The following NUDT3 variants were observed in gnomAD, a reference collection of about 807,000 sequenced individuals.
NUDT3 encodes the protein diphosphoinositol polyphosphate phosphohydrolase 1.
NUDT3 carries 9 observed loss-of-function variants against 23.6 expected under a neutral mutation model. That is an observed-to-expected ratio of 0.38 (90% CI 0.23 to 0.66). The LOEUF is 0.66. Ranked by LOEUF, NUDT3 falls within the 30% of genes least tolerant of loss-of-function variation. NUDT3 has a pLI of 0.52. For synonymous variants in NUDT3, 86 were observed against 82.6 expected, an observed-to-expected ratio of 1.04 and a Z score of -0.22; for missense variants, 172 against 218.5, an observed-to-expected ratio of 0.79 and a Z score of 1.34.
intron 2 of NUDT3, among the ~76,000 whole-genome samples, chr6:34,331,603 A>G (rs1764129842): frequency 6.6e-6 from 1 of 152,200 alleles, no homozygotes; most frequent in Non-Finnish European, 1.5e-5. Flanking sequence ...CAGAGAACTA[A>G]CCACACTTTT....
chr6:34,349,794 A>T (rs915332863), intron 1 of NUDT3, among the ~76,000 whole-genome samples: 22 of 150,692 alleles, frequency 1.5e-4, no homozygotes, highest in Admixed American at 6.6e-5. Context: ...CTCCTTAAAT[A>T]AATTAGATTA....
At chr6:34,375,420 C>A (rs999888177) in intron 1 of NUDT3, among the ~76,000 whole-genome samples, 2 of 152,168 alleles carry the variant, frequency 1.3e-5, no homozygotes, top group African/African-American at 4.8e-5. Flanking sequence ...AGTTTATCCT[C>A]CGTGGAGTCT....
intron 1 of NUDT3, among the ~76,000 whole-genome samples, chr6:34,367,497 GA>G (rs202236928): frequency 5.5e-5 from 8 of 144,730 alleles, no homozygotes; most frequent in African/African-American, 1.0e-4. Context: ...AAAAAAAAAA[GA>G]AAAAAAAATG....
At chr6:34,339,077 G>A (rs1764251889) in intron 2 of NUDT3, among the ~76,000 whole-genome samples, 1 of 152,178 alleles carries the variant, frequency 6.6e-6, no homozygotes, top group Non-Finnish European at 1.5e-5. Context: ...AAAGCCACCA[G>A]CCAAATCAGG....
chr6:34,389,189 T>A (rs1021952233), intron 1 of NUDT3, among the ~76,000 whole-genome samples: 4 of 152,202 alleles, frequency 2.6e-5, no homozygotes, highest in African/African-American at 7.2e-5. Flanking sequence ...CCCTCCCATG[T>A]GTTGAGTGAG....
At position 34,288,215 on chromosome 6, in the gene NUDT3, A is replaced by G. The variant is rs962546165; in HGVS notation, c.*538T>C. ...AAAAAAACCTTGAAAAATTAAACAA[A>G]TTTCTCTTTCTAGAAGTCATTTATT... On this transcript the variant is annotated 3_prime_UTR_variant, in exon 5 of 5. Transcript: ENST00000607016. The G allele has an allele frequency of 2.0e-5, 3 of 152,160 alleles. No homozygotes were observed. The highest frequency in any genetic ancestry group is 7.2e-5 in the African/African-American group (3 of 41,446). The allele number at this position is 152,160 out of a possible 1,614,324, so 9.4% of individuals were successfully genotyped here.
rs944663088 is a variant in NUDT3, at chr6:34,392,623, C to T, written c.-261G>A. 3 of 255,794 alleles carry T rather than the reference C, an allele frequency of 1.2e-5. No individual in the cohort carries two copies. The highest frequency in any genetic ancestry group is 2.3e-5 in the African/African-American group (1 of 44,184). The allele number at this position is 255,794 out of a possible 1,614,324, so 15.8% of individuals were successfully genotyped here. A position where few individuals can be genotyped will look rare whatever the true frequency, so the allele number is the denominator to read the frequency against. On this transcript the variant is annotated 5_prime_UTR_variant, in exon 1 of 5. Coordinates refer to ENST00000607016, the MANE Select transcript of NUDT3 (RefSeq NM_006703.4). Reference sequence around the variant, plus strand: ...GCCGCCCCCTCTGCCGCCGCCACCCCCGACGACGACCGCGCCGCCATCTTG... The same window carrying T: ...GCCGCCCCCTCTGCCGCCGCCACCCTCGACGACGACCGCGCCGCCATCTTG...
intron 1 of NUDT3, among the ~76,000 whole-genome samples, chr6:34,346,058 C>T (rs1308753562): frequency 1.3e-5 from 2 of 152,104 alleles, no homozygotes; most frequent in Non-Finnish European, 2.9e-5. Flanking sequence ...TGTGAGCCAC[C>T]GCGCCCGGCC....
intron 1 of NUDT3, among the ~76,000 whole-genome samples, chr6:34,364,799 T>A (rs147689761): frequency 0.016 from 2,413 of 150,714 alleles, 55 homozygotes; most frequent in African/African-American, 0.053. Context: ...TTTGGGAGGC[T>A]GAGGCGGGCG....
intron 1 of NUDT3, among the ~76,000 whole-genome samples, chr6:34,390,897 T>C (rs1432756873): frequency 6.6e-6 from 1 of 152,208 alleles, no homozygotes; most frequent in Non-Finnish European, 1.5e-5. Flanking sequence ...TTTACTCAAA[T>C]ATGCATTCCA....
chr6:34,342,487 C>T (rs1256090620), intron 1 of NUDT3, among the ~76,000 whole-genome samples: 2 of 152,124 alleles, frequency 1.3e-5, no homozygotes, highest in African/African-American at 4.8e-5. Flanking sequence ...CAATACAATA[C>T]ACCACCCTAG....
chr6:34,391,670 T>C (rs1311643985), intron 1 of NUDT3, among the ~76,000 whole-genome samples: 4 of 152,148 alleles, frequency 2.6e-5, no homozygotes, highest in Non-Finnish European at 5.9e-5. Context: ...GACTACACCA[T>C]AAAGGCTACC....
chr6:34,392,165 G>C (rs1249548910), intron 1 of NUDT3, 99 bp downstream of exon 1: 4 of 814,970 alleles, frequency 4.9e-6, no homozygotes, highest in Non-Finnish European at 7.4e-6. Flanking sequence ...CGAGCGGGGC[G>C]GCCCTGGCAC....
intron 1 of NUDT3, among the ~76,000 whole-genome samples, chr6:34,391,094 G>A (rs1765191812): frequency 6.6e-6 from 1 of 152,144 alleles, no homozygotes; most frequent in Non-Finnish European, 1.5e-5. Flanking sequence ...TCTTCAGGCA[G>A]TAATTCAAAT....
At position 34,288,122 on chromosome 6, in the gene NUDT3, A is replaced by G. The variant is rs1419406846; in HGVS notation, c.*631T>C. The G allele has an allele frequency of 6.6e-6, 1 of 152,212 alleles. No homozygotes were observed. Among genetic ancestry groups the G allele is most frequent in the Non-Finnish European group, 1.5e-5 (1 of 68,042 alleles). The allele number at this position is 152,212 out of a possible 1,614,324, so 9.4% of individuals were successfully genotyped here. On this transcript the variant is annotated 3_prime_UTR_variant, in exon 5 of 5. Coordinates refer to ENST00000607016, the MANE Select transcript of NUDT3 (RefSeq NM_006703.4). Reference sequence around the variant, plus strand: ...GGACAGGGCAACCTGCCCAGCCACTAGCATCGAAAACAAAAAGGTATGTTA... The same window carrying G: ...GGACAGGGCAACCTGCCCAGCCACTGGCATCGAAAACAAAAAGGTATGTTA...
chr6:34,308,460 C>CA (rs1183799403), intron 2 of NUDT3, among the ~76,000 whole-genome samples: 13,275 of 81,780 alleles, frequency 0.16, 1,303 homozygotes, highest in African/African-American at 0.35. Context: ...GATCGTCTCT[C>CA]AAAAAAAAAA....
intron 1 of NUDT3, among the ~76,000 whole-genome samples, chr6:34,366,445 GGA>G (rs1232897992): frequency 2.4e-5 from 3 of 126,272 alleles, no homozygotes; most frequent in Admixed American, 8.7e-5. Context: ...AGAGAGAGAA[GGA>G]GAGAGAGAGA....
chr6:34,307,605 A>C (rs530063083), intron 2 of NUDT3, among the ~76,000 whole-genome samples: 1 of 152,310 alleles, frequency 6.6e-6, no homozygotes, highest in African/African-American at 2.4e-5. Context: ...TGCAGTGGTC[A>C]ACTACGTATA....
chr6:34,353,971 C>A (rs1225175992), intron 1 of NUDT3, among the ~76,000 whole-genome samples: 1 of 151,628 alleles, frequency 6.6e-6, no homozygotes, highest in African/African-American at 2.4e-5. Flanking sequence ...GGCATGGTCT[C>A]GGCTCACTGC....
Sources: gnomAD v4.1 joint callset for allele counts (sites outside exome capture counted in the v4.1 genomes callset) on GRCh38, gnomAD v4.1.1 for gene constraint, MANE v1.5 for transcripts, NCBI Gene and HGNC (gene_info 2026-07-23, HGNC 2026-07-21) for gene names.